The following GALNTL6 variants were observed in gnomAD, a reference collection of about 807,000 sequenced individuals.
The protein encoded by GALNTL6 is polypeptide N-acetylgalactosaminyltransferase like 6.
A neutral mutation model predicts 73.7 loss-of-function variants in GALNTL6; 46 were observed. The observed-to-expected ratio is 0.62, with a 90% CI of 0.49 to 0.80. The LOEUF (loss-of-function observed/expected upper bound fraction) is 0.80, where lower values mean the gene tolerates loss of function less well. Among genes scored for constraint, GALNTL6 ranks in the 30% least tolerant of loss-of-function variants. GALNTL6 has a pLI of 0.00. For missense variants in GALNTL6, 604 were observed against 755.0 expected, an observed-to-expected ratio of 0.80 and a Z score of 2.34; for synonymous variants, 259 against 263.7, an observed-to-expected ratio of 0.98 and a Z score of 0.17.
chr4:171,987,912 G>A, intron 2 of GALNTL6, among the ~76,000 whole-genome samples: 1 of 152,096 alleles, frequency 6.6e-6, no homozygotes, highest in African/African-American at 2.4e-5. Context: ...GTGGAAGTCG[G>A]GATTAAAGTC....
At chr4:172,264,154 GACA>G (rs1345054210) in intron 3 of GALNTL6, among the ~76,000 whole-genome samples, 2 of 151,538 alleles carry the variant, frequency 1.3e-5, no homozygotes, top group Non-Finnish European at 3.0e-5. Flanking sequence ...TATCAAGGAA[GACA>G]ACTTTTGTCC....
chr4:172,680,658 A>C (rs182762340), intron 5 of GALNTL6, among the ~76,000 whole-genome samples: 1 of 152,140 alleles, frequency 6.6e-6, no homozygotes, highest in African/African-American at 2.4e-5. Context: ...ATCCTATTTT[A>C]AAAAAGCCGT....
At chr4:172,013,548 T>C (rs1741087716) in intron 2 of GALNTL6, among the ~76,000 whole-genome samples, 1 of 151,932 alleles carries the variant, frequency 6.6e-6, no homozygotes, top group Admixed American at 6.6e-5. Flanking sequence ...CATTTCTCTT[T>C]TTAAAATCTT....
chr4:172,156,137 T>G (rs1734247304), intron 2 of GALNTL6, among the ~76,000 whole-genome samples: 1 of 151,988 alleles, frequency 6.6e-6, no homozygotes, highest in African/African-American at 2.4e-5. Flanking sequence ...GGCAGGGGTT[T>G]TATAGTCCTC....
At chr4:172,495,305 G>A (rs1408417640) in intron 5 of GALNTL6, among the ~76,000 whole-genome samples, 1 of 152,144 alleles carries the variant, frequency 6.6e-6, no homozygotes, top group East Asian at 1.9e-4. Flanking sequence ...AAGAGGCAGG[G>A]CAGTCGCTTG....
At chr4:172,649,475 T>A (rs1321136228) in intron 5 of GALNTL6, among the ~76,000 whole-genome samples, 1 of 152,218 alleles carries the variant, frequency 6.6e-6, no homozygotes, top group Non-Finnish European at 1.5e-5. Context: ...AGAAACTGCC[T>A]GTATTTCTAT....
intron 2 of GALNTL6, among the ~76,000 whole-genome samples, chr4:172,043,201 T>C (rs1418395355): frequency 6.6e-6 from 1 of 152,108 alleles, no homozygotes; most frequent in Non-Finnish European, 1.5e-5. Flanking sequence ...GAATGCTCTC[T>C]GACAAACTCG....
At chr4:172,130,977 T>G (rs543153281) in intron 2 of GALNTL6, among the ~76,000 whole-genome samples, 79 of 152,194 alleles carry the variant, frequency 5.2e-4, no homozygotes, top group African/African-American at 1.6e-3. Context: ...TCATGTAATA[T>G]TTTAAGTTGA....
intron 2 of GALNTL6, among the ~76,000 whole-genome samples, chr4:172,013,758 T>C (rs985277281): frequency 6.6e-6 from 1 of 152,070 alleles, no homozygotes; most frequent in Non-Finnish European, 1.5e-5. Flanking sequence ...AAATTATTAT[T>C]GACTATAGTC....
chr4:172,996,331 T>C (rs1178460620), intron 10 of GALNTL6, among the ~76,000 whole-genome samples: 4 of 152,006 alleles, frequency 2.6e-5, no homozygotes, highest in African/African-American at 9.7e-5. Context: ...AAGTGGGAGC[T>C]AAATGATGAG....
chr4:172,717,697 G>A (rs985572286), intron 5 of GALNTL6, among the ~76,000 whole-genome samples: 1 of 152,176 alleles, frequency 6.6e-6, no homozygotes, highest in African/African-American at 2.4e-5. Flanking sequence ...GGGAAGTAAA[G>A]GGTTTCTAAG....
At chr4:171,866,621 G>A (rs577848444) in intron 2 of GALNTL6, among the ~76,000 whole-genome samples, 1 of 152,156 alleles carries the variant, frequency 6.6e-6, no homozygotes, top group Non-Finnish European at 1.5e-5. Context: ...CCATAGACCA[G>A]ATGACTGACA....
intron 2 of GALNTL6, among the ~76,000 whole-genome samples, chr4:172,055,252 C>G (rs1289766428): frequency 6.6e-6 from 1 of 152,052 alleles, no homozygotes; most frequent in Non-Finnish European, 1.5e-5. Flanking sequence ...CAGATGTAGG[C>G]AGAAAGTAAA....
intron 4 of GALNTL6, among the ~76,000 whole-genome samples, chr4:172,341,648 A>C (rs895894478): frequency 6.6e-6 from 1 of 151,910 alleles, no homozygotes; most frequent in African/African-American, 2.4e-5. Flanking sequence ...GTATCACGAG[A>C]TCTAATGGTG....
chr4:172,271,486 T>C (rs1738649115), intron 3 of GALNTL6, among the ~76,000 whole-genome samples: 2 of 152,154 alleles, frequency 1.3e-5, no homozygotes, highest in African/African-American at 4.8e-5. Flanking sequence ...TGCATACTTA[T>C]ATATACAAAC....
At chr4:172,415,464 G>A (rs1302912254) in intron 5 of GALNTL6, among the ~76,000 whole-genome samples, 1 of 152,166 alleles carries the variant, frequency 6.6e-6, no homozygotes, top group Non-Finnish European at 1.5e-5. Context: ...ATGCCATGCA[G>A]CTCTGGATTA....
chr4:172,819,636 G>A (rs1217594640), intron 7 of GALNTL6, among the ~76,000 whole-genome samples: 1 of 152,134 alleles, frequency 6.6e-6, no homozygotes, highest in Non-Finnish European at 1.5e-5. Flanking sequence ...ACTGCTATGG[G>A]TCAGGCACTT....
chr4:172,447,203 CATTT>C (rs907942297), intron 5 of GALNTL6, among the ~76,000 whole-genome samples: 41 of 152,120 alleles, frequency 2.7e-4, no homozygotes, highest in African/African-American at 9.2e-4. Flanking sequence ...GAAGAGGCCA[CATTT>C]GAGACACTAT....
At chr4:172,346,061 T>G (rs1741728008) in intron 4 of GALNTL6, among the ~76,000 whole-genome samples, 1 of 152,242 alleles carries the variant, frequency 6.6e-6, no homozygotes, top group African/African-American at 2.4e-5. Flanking sequence ...TCTGCAGAGA[T>G]GTATAATAGG....
Sources: allele counts gnomAD v4.1 joint callset (sites outside exome capture counted in the v4.1 genomes callset), GRCh38; gene constraint gnomAD v4.1.1; transcripts MANE v1.5; gene names NCBI Gene and HGNC (gene_info 2026-07-23, HGNC 2026-07-21).